Variants in ERCC6L2 observed in about 807,000 individuals in gnomAD.
ERCC6L2 encodes the protein ERCC excision repair 6 like 2, also known as DNA excision repair protein ERCC-6-like 2.
ERCC6L2 carries 77 observed loss-of-function variants against 132.0 expected under a neutral mutation model. That is an observed-to-expected ratio of 0.58 (90% CI 0.49 to 0.71). The LOEUF (loss-of-function observed/expected upper bound fraction) is 0.71, where lower values mean the gene tolerates loss of function less well. Among genes scored for constraint, ERCC6L2 ranks in the 30% least tolerant of loss-of-function variants. The pLI is 0.00. For synonymous variants in ERCC6L2, 583 were observed against 632.4 expected, an observed-to-expected ratio of 0.92 and a Z score of 1.17; for missense variants, 1,542 against 1,837.6, an observed-to-expected ratio of 0.84 and a Z score of 2.94.
chr9:96,000,667 G>T (rs1177975080), intron 17 of ERCC6L2, among the ~76,000 whole-genome samples: 1 of 152,100 alleles, frequency 6.6e-6, no homozygotes, highest in Non-Finnish European at 1.5e-5. Flanking sequence ...AGACACAGTG[G>T]CTCACTCCAT....
chr9:96,019,388 A>T (rs1054555311), downstream of ERCC6L2, among the ~76,000 whole-genome samples: 2 of 152,038 alleles, frequency 1.3e-5, no homozygotes, highest in Admixed American at 6.5e-5. Flanking sequence ...TCCAGTGTTC[A>T]GCTTTCTCTT....
At chr9:95,996,869 A>G (rs1417438660) in intron 17 of ERCC6L2, among the ~76,000 whole-genome samples, 1 of 152,230 alleles carries the variant, frequency 6.6e-6, no homozygotes, top group African/African-American at 2.4e-5. Context: ...TGTTGTTTTC[A>G]TGTCTACTAA....
intron 2 of ERCC6L2, among the ~76,000 whole-genome samples, chr9:95,884,990 A>G (rs375906690): frequency 6.6e-6 from 1 of 152,214 alleles, no homozygotes; most frequent in East Asian, 1.9e-4. Flanking sequence ...ACAGATAAAT[A>G]TGCAACATAC....
At chr9:95,944,094 C>T (rs1030228972) in intron 12 of ERCC6L2, among the ~76,000 whole-genome samples, 20 of 152,164 alleles carry the variant, frequency 1.3e-4, no homozygotes, top group African/African-American at 4.3e-4. Context: ...CACCTGTATT[C>T]ACAATAGCTA....
chr9:95,986,497 C>CTT (rs57381408), intron 17 of ERCC6L2, among the ~76,000 whole-genome samples: 2,935 of 116,198 alleles, frequency 0.025, 35 homozygotes, highest in East Asian at 0.046. Flanking sequence ...TATCTCTCTC[C>CTT]TTTTTTTTTT....
At chr9:95,926,142 A>G (rs1466596443) in intron 9 of ERCC6L2, among the ~76,000 whole-genome samples, 6 of 152,288 alleles carry the variant, frequency 3.9e-5, no homozygotes, top group African/African-American at 1.4e-4. Context: ...GCTGGTGGGA[A>G]TGCAAAATGG....
chr9:95,933,169 T>C (rs16910373), intron 11 of ERCC6L2, among the ~76,000 whole-genome samples: 2,562 of 152,346 alleles, frequency 0.017, 77 homozygotes, highest in African/African-American at 0.059. Flanking sequence ...TGGTTATGCC[T>C]GACCTTGCCA....
At chr9:95,900,108 A>G (rs1284365059) in intron 3 of ERCC6L2, among the ~76,000 whole-genome samples, 1 of 152,130 alleles carries the variant, frequency 6.6e-6, no homozygotes, top group Non-Finnish European at 1.5e-5. Flanking sequence ...CCTTTGGGCC[A>G]GGCATGGTTG....
intron 3 of ERCC6L2, among the ~76,000 whole-genome samples, chr9:95,905,771 A>C (rs762674438): frequency 6.6e-6 from 1 of 152,178 alleles, no homozygotes; most frequent in Non-Finnish European, 1.5e-5. Flanking sequence ...CACAGTCACA[A>C]ATTTGACTTT....
intron 18 of ERCC6L2, among the ~76,000 whole-genome samples, chr9:96,005,435 AAG>A (rs1200011667): frequency 1.3e-5 from 2 of 152,044 alleles, no homozygotes; most frequent in African/African-American, 4.8e-5. Context: ...AAAAAAGAGA[AAG>A]AGAATAATAG....
chr9:95,956,839 A>T (rs1048761108), intron 13 of ERCC6L2, among the ~76,000 whole-genome samples: 10 of 152,184 alleles, frequency 6.6e-5, no homozygotes, highest in Admixed American at 6.6e-4. Context: ...TCGGGTAGGG[A>T]CACAGTGAAA....
At chr9:95,926,966 CAG>C (rs1218295723) in intron 9 of ERCC6L2, among the ~76,000 whole-genome samples, 1 of 151,016 alleles carries the variant, frequency 6.6e-6, no homozygotes, top group Non-Finnish European at 1.5e-5. Flanking sequence ...TTCTGTAAAA[CAG>C]AAAAAATAAT....
chr9:96,005,181 C>T (rs1286707599), intron 18 of ERCC6L2, among the ~76,000 whole-genome samples: 5 of 151,954 alleles, frequency 3.3e-5, no homozygotes, highest in Admixed American at 3.3e-4. Flanking sequence ...GGCGTGGTGG[C>T]GGGCACCTGT....
At position 96,016,151 on chromosome 9, in the gene ERCC6L2, C is replaced by A. The variant is rs1472003934; in HGVS notation, c.*2948C>A. Among the ~76,000 whole-genome samples the A allele has an allele frequency of 2.0e-5, 3 of 152,154 alleles. No homozygotes were observed. Among genetic ancestry groups the A allele is most frequent in the African/African-American group, 7.2e-5 (3 of 41,428 alleles). Reference sequence around the variant, plus strand: ...GGGTGGCCTCAAGCAAATCCCTTACCTCCTTTTAGCCTTAGTTTCCCCTTT... The same window carrying A: ...GGGTGGCCTCAAGCAAATCCCTTACATCCTTTTAGCCTTAGTTTCCCCTTT... On this transcript the variant is annotated 3_prime_UTR_variant, in exon 19 of 19. Coordinates refer to ENST00000653738, the MANE Select transcript of ERCC6L2 (RefSeq NM_020207.7).
chr9:96,021,080 G>A (rs1483243335), downstream of ERCC6L2: 2 of 442,112 alleles, frequency 4.5e-6, no homozygotes, highest in Non-Finnish European at 9.1e-6. This position sits in a 1 kb window ranked among gnomAD's most constrained non-coding sequence, Gnocchi z 4.7. Flanking sequence ...CCGGGCACAG[G>A]GAGGCCGTTC....
In ERCC6L2 at chr9:95,926,516, G is replaced by A. The variant is rs75237622; in HGVS notation, c.1534-1563G>A. 7.9e-4 allele frequency among the ~76,000 whole-genome samples: 120 copies of A among 152,216 alleles called. 1 individual carries two copies. Among genetic ancestry groups the A allele is most frequent in the South Asian group, 4.1e-3 (20 of 4,824 alleles). ...CTTAGATGCATATTGCTGAGTGAAG[G>A]AAACCAGTCTGAAAAGGCTACATAC... On this transcript the variant is annotated intron_variant, in intron 9 of 18. Transcript: ENST00000653738.
intron 11 of ERCC6L2, among the ~76,000 whole-genome samples, chr9:95,929,751 C>T (rs1350618222): frequency 6.6e-6 from 1 of 152,190 alleles, no homozygotes; most frequent in Non-Finnish European, 1.5e-5. Context: ...TGCGTCCTTA[C>T]ATACAGAGCA....
At chr9:95,953,459 C>A (rs1369450287) in intron 12 of ERCC6L2, among the ~76,000 whole-genome samples, 1 of 151,682 alleles carries the variant, frequency 6.6e-6, no homozygotes, top group Non-Finnish European at 1.5e-5. Flanking sequence ...ACCTGTAGTC[C>A]CAGCTACTTG....
chr9:95,922,371 G>T lies in ERCC6L2; in HGVS notation c.1366G>T (p.Ala456Ser). Residue 456 changes from alanine (A) to serine (S), a missense_variant, in exon 8 of 19, where the codon GCT becomes TCT. Transcript: ENST00000653738. The stretch of plus-strand genomic sequence containing the variant: ...TTACCTTACAGTCCTTCAGAAGGTA[G>T]CTAACCATGTCGCGCTACTGCAAGC... ...LSYLTVLQKV[A>S]NHVALLQAAS... 5 of 1,613,620 alleles carry T rather than the reference G, an allele frequency of 3.1e-6. No homozygotes were observed. The highest frequency in any genetic ancestry group is 3.4e-6 in the Non-Finnish European group (4 of 1,179,670).
Sources: gnomAD v4.1 joint callset for allele counts (sites outside exome capture counted in the v4.1 genomes callset) on GRCh38, gnomAD v4.1.1 for gene constraint, Gnocchi (gnomAD v3.1) non-coding constraint, MANE v1.5 for transcripts, NCBI Gene and HGNC (gene_info 2026-07-23, HGNC 2026-07-21) for gene names.